The following CDH23 variants were observed in gnomAD, a reference collection of about 807,000 sequenced individuals.
The protein encoded by CDH23 is cadherin related 23, also known as cadherin-23.
A neutral mutation model predicts 317.1 loss-of-function variants in CDH23; 189 were observed. The observed-to-expected ratio is 0.60, with a 90% CI of 0.53 to 0.67. CDH23 has a LOEUF of 0.67. Ranked by LOEUF, CDH23 falls within the 30% of genes least tolerant of loss-of-function variation. CDH23 has a pLI of 0.00. For synonymous variants in CDH23, 1,839 were observed against 1,876.8 expected (o/e 0.98, Z 0.52); for missense variants, 4,401 against 4,592.4 (o/e 0.96, Z 1.20).
intron 19 of CDH23, among the ~76,000 whole-genome samples, chr10:71,689,621 C>A (rs571675002): frequency 6.6e-6 from 1 of 152,344 alleles, no homozygotes; most frequent in African/African-American, 2.4e-5. Flanking sequence ...TGGTCACCAC[C>A]AGCCCTGCAG....
chr10:71,639,948 G>A (rs1218246339), intron 11 of CDH23, among the ~76,000 whole-genome samples: 10 of 152,320 alleles, frequency 6.6e-5, no homozygotes, highest in African/African-American at 2.4e-4. Flanking sequence ...GCATTTTAGA[G>A]GACTTGGTCA....
At chr10:71,734,761 G>A (rs967570908) in intron 34 of CDH23, 103 bp downstream of exon 34, 1 of 714,312 alleles carries the variant, frequency 1.4e-6, no homozygotes. Context: ...CAGAGAGAAG[G>A]CACGTGGACA....
At chr10:71,689,695 C>A (rs994618703) in intron 19 of CDH23, among the ~76,000 whole-genome samples, 3 of 152,230 alleles carry the variant, frequency 2.0e-5, no homozygotes, top group African/African-American at 7.2e-5. Context: ...AGGATCCCAG[C>A]AGCAAACTCA....
intron 38 of CDH23, among the ~76,000 whole-genome samples, chr10:71,758,545 T>C (rs1351897780): frequency 6.6e-6 from 1 of 152,204 alleles, no homozygotes; most frequent in East Asian, 1.9e-4. Context: ...ACCGGGGGGC[T>C]AACTGCTACC....
intron 45 of CDH23, among the ~76,000 whole-genome samples, chr10:71,790,015 T>C (rs1007445352): frequency 1.3e-5 from 2 of 152,218 alleles, no homozygotes; most frequent in African/African-American, 4.8e-5. Flanking sequence ...CCTCAAAGGC[T>C]GCTGGGAAGG....
At position 71,811,607 on chromosome 10, in the gene CDH23, C is replaced by T; in HGVS notation, c.9278+17C>T. ...CAGGACTGTGTGAGTGTCCCCCACCCCTGCCATCAGGGGGCCGACCACCTG... is the reference window on the plus strand; with the variant it reads ...CAGGACTGTGTGAGTGTCCCCCACCTCTGCCATCAGGGGGCCGACCACCTG... On this transcript the variant is annotated intron_variant, in intron 64 of 69. Coordinates refer to ENST00000224721, the MANE Select transcript of CDH23 (RefSeq NM_022124.6). 1 of 1,613,928 alleles carries T rather than the reference C, an allele frequency of 6.2e-7. No homozygotes were observed. The highest frequency in any genetic ancestry group is 1.3e-5 in the African/African-American group (1 of 75,058).
chr10:71,429,731 G>A (rs1849280564), intron 1 of CDH23, among the ~76,000 whole-genome samples: 2 of 152,218 alleles, frequency 1.3e-5, no homozygotes, highest in South Asian at 2.1e-4. Context: ...AGATGGGAAA[G>A]GCAAGGACTG....
At chr10:71,544,108 A>C (rs1376904472) in intron 6 of CDH23, among the ~76,000 whole-genome samples, 3 of 152,138 alleles carry the variant, frequency 2.0e-5, no homozygotes, top group Non-Finnish European at 2.9e-5. Flanking sequence ...ATGTTAGATA[A>C]AGCTTTTATT....
chr10:71,477,009 C>T (rs560698211), intron 3 of CDH23, among the ~76,000 whole-genome samples: 117 of 152,256 alleles, frequency 7.7e-4, no homozygotes, highest in African/African-American at 2.7e-3. Context: ...TGCAGCATCC[C>T]ACATGACCGA....
chr10:71,669,464 T>TG (rs1374967757), intron 14 of CDH23, among the ~76,000 whole-genome samples: 3 of 151,820 alleles, frequency 2.0e-5, no homozygotes, highest in Non-Finnish European at 2.9e-5. Context: ...TTTTTTTTTT[T>TG]GTAAGATGGA....
chr10:71,494,198 C>T (rs1852827987), intron 3 of CDH23, among the ~76,000 whole-genome samples: 1 of 152,162 alleles, frequency 6.6e-6, no homozygotes, highest in African/African-American at 2.4e-5. Flanking sequence ...TACAAGTCAA[C>T]AGGCTCTGAG....
At chr10:71,700,141 C>T (rs1865528973) in intron 22 of CDH23, among the ~76,000 whole-genome samples, 2 of 152,192 alleles carry the variant, frequency 1.3e-5, no homozygotes, top group Admixed American at 6.5e-5. Flanking sequence ...AATCCTAGCA[C>T]TTTGGGAGGC....
At chr10:71,650,136 T>C (rs1863098453) in intron 14 of CDH23, among the ~76,000 whole-genome samples, 1 of 152,220 alleles carries the variant, frequency 6.6e-6, no homozygotes. Context: ...GGTGTGTTCT[T>C]AGGTGGCGCT....
At chr10:71,707,307 C>T in intron 26 of CDH23, 1 of 1,428,434 alleles carries the variant, frequency 7.0e-7, no homozygotes, top group Non-Finnish European at 9.1e-7. Context: ...GGAGCATCTA[C>T]CAAGGTTCAT....
intron 38 of CDH23, among the ~76,000 whole-genome samples, chr10:71,768,449 G>T (rs1440450763): frequency 6.6e-6 from 1 of 152,138 alleles, no homozygotes; most frequent in Non-Finnish European, 1.5e-5. Context: ...GGGATTACAG[G>T]AGTGAGCCAC....
intron 1 of CDH23, among the ~76,000 whole-genome samples, chr10:71,425,191 A>C (rs989063617): frequency 7.5e-6 from 1 of 133,788 alleles, no homozygotes; most frequent in Admixed American, 7.7e-5. Context: ...AAGGGGAGGA[A>C]ACCGGCTTGG....
chr10:71,577,166 G>A (rs1858268927), intron 8 of CDH23, among the ~76,000 whole-genome samples: 1 of 152,162 alleles, frequency 6.6e-6, no homozygotes, highest in Admixed American at 6.5e-5. Flanking sequence ...TATAGCAGCT[G>A]TCTGCTCAGA....
Position 71,805,922 on chromosome 10 carries a change from C to T in CDH23, c.7989C>T (p.Phe2663=), listed in dbSNP as rs2132983779. The T allele has an allele frequency of 6.2e-7, 1 of 1,613,488 alleles. No individual in the cohort carries two copies. The highest frequency in any genetic ancestry group is 1.1e-5 in the South Asian group (1 of 90,966). The change falls in exon 56 of 70, where the codon TTC becomes TTT. Residue 2663 remains phenylalanine, a synonymous_variant. Transcript: ENST00000224721. The stretch of plus-strand genomic sequence containing the variant: ...CTGCGGGCAACCGGGACTGGGAGTT[C>T]TTCATCATCGACCCAATCAGCGGCC... ...LKTAGNRDWE[F]FIIDPISGLI...
intron 9 of CDH23, among the ~76,000 whole-genome samples, chr10:71,602,730 C>T (rs977349590): frequency 6.6e-6 from 1 of 152,196 alleles, no homozygotes; most frequent in African/African-American, 2.4e-5. Flanking sequence ...CTGCCCCAGG[C>T]ACCCAGTTCA....
Sources: gnomAD v4.1 joint callset for allele counts (sites outside exome capture counted in the v4.1 genomes callset) on GRCh38, gnomAD v4.1.1 for gene constraint, MANE v1.5 for transcripts, NCBI Gene and HGNC (gene_info 2026-07-23, HGNC 2026-07-21) for gene names.